FBXL17: variants seen among roughly 807,000 people sequenced by gnomAD.
FBXL17 encodes the protein F-box/LRR-repeat protein 17.
Under a neutral mutation model 66.2 loss-of-function variants are expected in FBXL17, and 22 were observed. That is an observed-to-expected ratio of 0.33 (90% CI 0.24 to 0.47). The LOEUF is 0.47. Ranked by LOEUF, FBXL17 falls within the 20% of genes least tolerant of loss-of-function variation. The pLI, the probability that FBXL17 is intolerant of heterozygous loss-of-function variation, is 1.00. For synonymous variants in FBXL17, 474 were observed against 400.5 expected (o/e 1.18, Z -2.19); for missense variants, 878 against 948.2 (o/e 0.93, Z 0.97).
At chr5:108,163,567 AT>A (rs1561441924) in intron 6 of FBXL17, among the ~76,000 whole-genome samples, 1 of 151,878 alleles carries the variant, frequency 6.6e-6, no homozygotes, top group Non-Finnish European at 1.5e-5. Flanking sequence ...CGTCTGGCTA[AT>A]TTTTTTGTGT....
chr5:108,247,026 CA>C (rs1349675784), intron 4 of FBXL17, among the ~76,000 whole-genome samples: 3 of 152,058 alleles, frequency 2.0e-5, no homozygotes, highest in African/African-American at 7.2e-5. Context: ...ATTCAATTCA[CA>C]AATGTTCACC....
intron 4 of FBXL17, among the ~76,000 whole-genome samples, chr5:108,328,282 T>C (rs1005464632): frequency 2.0e-5 from 3 of 152,068 alleles, no homozygotes; most frequent in Non-Finnish European, 4.4e-5. Flanking sequence ...TTAAACTATT[T>C]GGTGGTCTCA....
chr5:108,127,081 G>A (rs1270875486), intron 6 of FBXL17, among the ~76,000 whole-genome samples: 1 of 152,070 alleles, frequency 6.6e-6, no homozygotes, highest in Admixed American at 6.6e-5. Flanking sequence ...TTGTTTATGT[G>A]TATGTTTTGT....
At chr5:108,189,151 G>C (rs558011613) in intron 5 of FBXL17, among the ~76,000 whole-genome samples, 1 of 152,162 alleles carries the variant, frequency 6.6e-6, no homozygotes, top group Non-Finnish European at 1.5e-5. Flanking sequence ...AGTTCTGTGG[G>C]TCAGGAGACC....
At chr5:108,317,881 T>A (rs1177286305) in intron 4 of FBXL17, among the ~76,000 whole-genome samples, 1 of 151,530 alleles carries the variant, frequency 6.6e-6, no homozygotes, top group Non-Finnish European at 1.5e-5. Flanking sequence ...TCACTATGTA[T>A]CTGCAAATAA....
intron 7 of FBXL17, among the ~76,000 whole-genome samples, chr5:107,940,085 A>G (rs1204185850): frequency 6.6e-6 from 1 of 152,178 alleles, no homozygotes; most frequent in Admixed American, 6.5e-5. Context: ...CAAGAGTATT[A>G]TTTCTACTTA....
At chr5:108,055,980 A>G (rs1747694000) in intron 6 of FBXL17, among the ~76,000 whole-genome samples, 1 of 152,244 alleles carries the variant, frequency 6.6e-6, no homozygotes, top group South Asian at 2.1e-4. Context: ...ACATGGAATC[A>G]CATACCTTCC....
intron 4 of FBXL17, among the ~76,000 whole-genome samples, chr5:108,293,766 C>T (rs991663410): frequency 1.3e-5 from 2 of 151,908 alleles, no homozygotes; most frequent in Admixed American, 1.3e-4. Flanking sequence ...TTTGGCCAGG[C>T]GTGGTGGTTC....
At chr5:108,088,835 T>A (rs1412260426) in intron 6 of FBXL17, among the ~76,000 whole-genome samples, 1 of 149,792 alleles carries the variant, frequency 6.7e-6, no homozygotes, top group Non-Finnish European at 1.5e-5. Context: ...AAAGCAGCAC[T>A]TATCAACAGA....
intron 7 of FBXL17, among the ~76,000 whole-genome samples, chr5:107,907,602 AAAAC>A (rs1316424451): frequency 1.3e-5 from 2 of 152,114 alleles, no homozygotes; most frequent in Non-Finnish European, 2.9e-5. Flanking sequence ...TTACAAGAAA[AAAAC>A]AAACAACCCC....
chr5:108,215,545 T>G (rs1344032211), intron 5 of FBXL17, among the ~76,000 whole-genome samples: 1 of 152,124 alleles, frequency 6.6e-6, no homozygotes, highest in African/African-American at 2.4e-5. Flanking sequence ...TCAAGTCTTT[T>G]GCACATTTAA....
chr5:108,173,856 T>C (rs1463537684), intron 6 of FBXL17, among the ~76,000 whole-genome samples: 1 of 152,226 alleles, frequency 6.6e-6, no homozygotes, highest in African/African-American at 2.4e-5. Flanking sequence ...ACAACACTGC[T>C]TCATAGAGAA....
chr5:108,065,304 TAGGA>T (rs1253777516), intron 6 of FBXL17, among the ~76,000 whole-genome samples: 2 of 152,220 alleles, frequency 1.3e-5, no homozygotes, highest in Non-Finnish European at 2.9e-5. Flanking sequence ...AACATGTACG[TAGGA>T]CATACAAAGC....
chr5:107,985,807 A>G (rs762881350), intron 7 of FBXL17, among the ~76,000 whole-genome samples: 1 of 152,182 alleles, frequency 6.6e-6, no homozygotes, highest in Non-Finnish European at 1.5e-5. Flanking sequence ...CTAATTTTAA[A>G]TAAGTCATAA....
chr5:108,026,976 T>C (rs1754849756), intron 6 of FBXL17, among the ~76,000 whole-genome samples: 1 of 152,132 alleles, frequency 6.6e-6, no homozygotes, highest in South Asian at 2.1e-4. Context: ...GCAGATGTCA[T>C]TTGCTGATTC....
chr5:108,013,567 C>A lies in FBXL17; in HGVS notation c.1822+7358G>T, dbSNP rs141495840. Among the ~76,000 whole-genome samples the A allele has an allele frequency of 2.7e-3, 405 of 152,258 alleles. 2 individuals carry two copies. The highest frequency in any genetic ancestry group is 0.017 in the Middle Eastern group (5 of 294). On this transcript the variant is annotated intron_variant, in intron 7 of 8. Transcript: ENST00000542267. The stretch of plus-strand genomic sequence containing the variant: ...TATGATGATTCTGTCCTCTCTTGAG[C>A]CCCAACATGTCATAGGCAGAAAATT...
chr5:107,926,443 T>C (rs974157258), intron 7 of FBXL17, among the ~76,000 whole-genome samples: 1 of 152,138 alleles, frequency 6.6e-6, no homozygotes, highest in Non-Finnish European at 1.5e-5. Flanking sequence ...ATACTAGTTA[T>C]AATCCTTCTG....
At chr5:107,939,687 C>G (rs1356792810) in intron 7 of FBXL17, among the ~76,000 whole-genome samples, 1 of 152,132 alleles carries the variant, frequency 6.6e-6, no homozygotes, top group East Asian at 1.9e-4. Flanking sequence ...TAGAATAATT[C>G]TGTGCATATA....
chr5:107,860,928 T>C lies in FBXL17; in HGVS notation c.*792A>G, dbSNP rs879901084. The C allele has an allele frequency of 6.6e-6, 1 of 152,234 alleles. No individual in the cohort carries two copies. The allele number at this position is 152,234 out of a possible 1,614,324, so 9.4% of individuals were successfully genotyped here. A position where few individuals can be genotyped will look rare whatever the true frequency, so the allele number is the denominator to read the frequency against. ...ATCATTAAAATATATCCTGACCAGT[T>C]ACTATCCAGGAAATAAAAGCTAACA... On this transcript the variant is annotated 3_prime_UTR_variant, in exon 9 of 9. Transcript: ENST00000542267.
Sources: allele counts gnomAD v4.1 joint callset (sites outside exome capture counted in the v4.1 genomes callset), GRCh38; gene constraint gnomAD v4.1.1; transcripts MANE v1.5; gene names NCBI Gene and HGNC (gene_info 2026-07-23, HGNC 2026-07-21).